Variants in CHGA observed in about 807,000 individuals in gnomAD.
CHGA encodes the protein chromogranin-A.
Under a neutral mutation model 54.4 loss-of-function variants are expected in CHGA, and 41 were observed. The ratio of observed to expected loss-of-function variants is 0.75; its 90% confidence interval spans 0.59 to 0.98. The LOEUF (loss-of-function observed/expected upper bound fraction) is 0.98. Among genes scored for constraint, CHGA ranks in the 50% least tolerant of loss-of-function variants. The pLI is 0.00. For synonymous variants in CHGA, 249 were observed against 232.8 expected (o/e 1.07, Z -0.63); for missense variants, 576 against 582.3 (o/e 0.99, Z 0.11).
chr14:92,934,939 C>A lies in CHGA; in HGVS notation c.*55C>A. ...CACCCTGTGGCCCTGGCTCTGCTGT[C>A]CCCTTGGCAGGTCCTGGCCAGATGG... On this transcript the variant is annotated 3_prime_UTR_variant, in exon 8 of 8. Coordinates refer to ENST00000216492, the MANE Select transcript of CHGA (RefSeq NM_001275.4). 6.9e-7 allele frequency: 1 copy of A among 1,453,906 alleles called. No homozygotes were observed. Among genetic ancestry groups the A allele is most frequent in the Admixed American group, 2.5e-5 (1 of 39,814 alleles). 90.1% of individuals were successfully genotyped at this position (1,453,906 alleles called of 1,614,324 possible). A position where few individuals can be genotyped will look rare whatever the true frequency, so the allele number is the denominator to read the frequency against.
At position 92,924,250 on chromosome 14, in the gene CHGA, G is replaced by GA. The variant is rs769189369; in HGVS notation, c.93+7dup. 1 of 1,611,642 alleles carries GA rather than the reference G, an allele frequency of 6.2e-7. No individual in the cohort carries two copies. On this transcript the variant is annotated splice_donor_region_variant and intron_variant, in intron 2 of 7. Transcript: ENST00000216492. ...ATGAATAAAGGGGATACCGAGGTAA[G>GA]AAGGGGTGCTGGGGATGAGGGGTAG...
rs778264226 is a variant in CHGA, at chr14:92,929,729, G to A, written c.269G>A (p.Arg90Lys). The A allele has an allele frequency of 1.2e-6, 2 of 1,613,966 alleles. No individual in the cohort carries two copies. The highest frequency in any genetic ancestry group is 1.7e-6 in the Non-Finnish European group (2 of 1,180,014). ...TTTCTCATACCAGGCGCCAAGGAGA[G>A]GGCACATCAGCAGAAGAAACACAGC... ...QDLALQGAKE[R>K]AHQQKKHSGF... Residue 90 changes from arginine (R) to lysine (K), a missense_variant, in exon 5 of 8, where the codon AGG becomes AAG. Arg to Lys is a conservative substitution (Grantham distance 26). Transcript: ENST00000216492.
chr14:92,923,590 C>A (rs575438250), intron 1 of CHGA, among the ~76,000 whole-genome samples, 185 bp downstream of exon 1: 1 of 152,320 alleles, frequency 6.6e-6, no homozygotes. Context: ...CTGGGACCCA[C>A]AAGACACTTG....
intron 4 of CHGA, among the ~76,000 whole-genome samples, chr14:92,928,211 T>C (rs1181905413): frequency 6.6e-6 from 1 of 152,228 alleles, no homozygotes; most frequent in Non-Finnish European, 1.5e-5. Flanking sequence ...ATCCAGCATC[T>C]GCTTCCCAAC....
intron 5 of CHGA, among the ~76,000 whole-genome samples, chr14:92,930,458 G>A (rs1424315487): frequency 6.6e-6 from 1 of 152,232 alleles, no homozygotes; most frequent in African/African-American, 2.4e-5. Flanking sequence ...GGGGCTGAAA[G>A]GGAAAGCCCG....
intron 4 of CHGA, among the ~76,000 whole-genome samples, chr14:92,928,332 G>C (rs1017301978): frequency 1.3e-5 from 2 of 152,316 alleles, no homozygotes; most frequent in African/African-American, 4.8e-5. Flanking sequence ...GACAGACCAG[G>C]CCATGTGTGA....
intron 7 of CHGA, among the ~76,000 whole-genome samples, chr14:92,934,523 C>T (rs906895384): frequency 2.0e-5 from 3 of 152,198 alleles, no homozygotes; most frequent in African/African-American, 7.2e-5. Context: ...AACAGACTCC[C>T]ACCTGTGCGG....
At chr14:92,926,815 C>T in intron 3 of CHGA, 117 bp downstream of exon 3, 1 of 849,558 alleles carries the variant, frequency 1.2e-6, no homozygotes, top group South Asian at 1.5e-5. Context: ...GACTGAGTGC[C>T]CGTCATGTCC....
rs749496889 is a variant in CHGA at position 92,931,253 on chromosome 14, C to T, written c.359C>T (p.Ala120Val). Reference sequence around the variant, plus strand: ...CTTGGCTGTGCTGTGTCTGCAGAGGCGGTGGAAGAGCCATCATCCAAGGAT... The same window carrying T: ...CTTGGCTGTGCTGTGTCTGCAGAGGTGGTGGAAGAGCCATCATCCAAGGAT... ...NQSSQAELKE[A>V]VEEPSSKDVM... Residue 120 changes from alanine to valine, a missense_variant, in exon 6 of 8, where the codon GCG becomes GTG. Coordinates refer to ENST00000216492, the MANE Select transcript of CHGA (RefSeq NM_001275.4). 36 of 1,607,434 alleles carry T rather than the reference C, an allele frequency of 2.2e-5. No individual in the cohort carries two copies. The highest frequency in any genetic ancestry group is 1.7e-4 in the Middle Eastern group (1 of 6,020).
rs1887098435 is a variant in CHGA, at chr14:92,935,144, T to C, written c.*260T>C. 1 of 475,006 alleles carries C rather than the reference T, an allele frequency of 2.1e-6. No individual in the cohort carries two copies. Among genetic ancestry groups the C allele is most frequent in the African/African-American group, 2.0e-5 (1 of 49,124 alleles). The allele number at this position is 475,006 out of a possible 1,614,324, so 29.4% of individuals were successfully genotyped here. ...CCTTCTCTGAACACAGGCAGCTTTCTAGAAGTTTCCCTTCCTCCATCCTAT... is the reference window on the plus strand; with the variant it reads ...CCTTCTCTGAACACAGGCAGCTTTCCAGAAGTTTCCCTTCCTCCATCCTAT... On this transcript the variant is annotated 3_prime_UTR_variant, in exon 8 of 8. Transcript: ENST00000216492.
Position 92,931,708 on chromosome 14 carries a change from T to C in CHGA, c.808+6T>C. 1 of 1,553,162 alleles carries C rather than the reference T, an allele frequency of 6.4e-7. No individual in the cohort carries two copies. Among genetic ancestry groups the C allele is most frequent in the South Asian group, 1.2e-5 (1 of 81,186 alleles). On this transcript the variant is annotated splice_donor_region_variant and intron_variant, in intron 6 of 7. Transcript: ENST00000216492. ...GGAGATCCGGAAAGGCGAGAGTACG[T>C]ATGATGGCGAAGACCTCAACGAACG...
Position 92,931,580 on chromosome 14 carries a change from A to G in CHGA, c.686A>G (p.Glu229Gly), listed in dbSNP as rs1886998374. The G allele has an allele frequency of 5.1e-6, 8 of 1,573,896 alleles. No homozygotes were observed. Among genetic ancestry groups the G allele is most frequent in the Non-Finnish European group, 6.9e-6 (8 of 1,156,214 alleles). Residue 229 changes from glutamate to glycine, a missense_variant, in exon 6 of 8, where the codon GAG becomes GGG. Coordinates refer to ENST00000216492, the MANE Select transcript of CHGA (RefSeq NM_001275.4). ...AEPGWQAKRE[E>G]EEEEEEEAEA... ...CCAGGGTGGCAGGCAAAGAGAGAAGAGGAGGAGGAGGAGGAGGAGGAGGCT... is the reference window on the plus strand; with the variant it reads ...CCAGGGTGGCAGGCAAAGAGAGAAGGGGAGGAGGAGGAGGAGGAGGAGGCT...
chr14:92,935,043 G>A lies in CHGA; in HGVS notation c.*159G>A, dbSNP rs1228491927. 5.2e-6 allele frequency: 3 copies of A among 576,552 alleles called. No homozygotes were observed. The highest frequency in any genetic ancestry group is 3.9e-5 in the African/African-American group (2 of 51,296). The allele number at this position is 576,552 out of a possible 1,614,324, so 35.7% of individuals were successfully genotyped here. A position where few individuals can be genotyped will look rare whatever the true frequency, so the allele number is the denominator to read the frequency against. On this transcript the variant is annotated 3_prime_UTR_variant, in exon 8 of 8. Coordinates refer to ENST00000216492, the MANE Select transcript of CHGA (RefSeq NM_001275.4). ...CACCCTATCGCCCCCTACGCGCCTT[G>A]TCTCCTACTCCTGACTCCTACCTGC...
chr14:92,924,115 A>G, intron 1 of CHGA, 84 bp from the exon 2 acceptor site: 1 of 1,469,922 alleles, frequency 6.8e-7, no homozygotes, highest in Non-Finnish European at 9.3e-7. Context: ...CATTGGGTGA[A>G]CGGGCCCCAG....
At position 92,932,674 on chromosome 14, in the gene CHGA, C is replaced by T; in HGVS notation, c.1113C>T (p.Ser371=). ...QEEEEDNRDS[S]MKLSFRARAY... ...AGGAGGAGGACAACCGGGACAGTTCCATGAAGCTCTCCTTCCGGGCCCGGG... is the reference window on the plus strand; with the variant it reads ...AGGAGGAGGACAACCGGGACAGTTCTATGAAGCTCTCCTTCCGGGCCCGGG... The change falls in exon 7 of 8, where the codon TCC becomes TCT. Residue 371 remains serine, a synonymous_variant. Coordinates refer to ENST00000216492, the MANE Select transcript of CHGA (RefSeq NM_001275.4). This position sits in a 1 kb window ranked among gnomAD's most constrained non-coding sequence, Gnocchi z 5.3. 6.2e-7 allele frequency: 1 copy of T among 1,608,760 alleles called. No individual in the cohort carries two copies. Among genetic ancestry groups the T allele is most frequent in the South Asian group, 1.1e-5 (1 of 89,964 alleles).
At chr14:92,926,375 T>G in intron 2 of CHGA, 1 of 543,186 alleles carries the variant, frequency 1.8e-6, no homozygotes. Flanking sequence ...CTGCTGGCCA[T>G]GTGGTTGGAG....
Position 92,932,669 on chromosome 14 carries a change from A to C in CHGA, c.1108A>C (p.Ser370Arg), listed in dbSNP as rs1259872718. 1 of 1,607,814 alleles carries C rather than the reference A, an allele frequency of 6.2e-7. No homozygotes were observed. Among genetic ancestry groups the C allele is most frequent in the African/African-American group, 1.3e-5 (1 of 74,990 alleles). ...GGAGGAGGAGGAGGACAACCGGGAC[A>C]GTTCCATGAAGCTCTCCTTCCGGGC... Reference protein sequence around the residue: ...GQEEEEDNRDSSMKLSFRARA... With the variant: ...GQEEEEDNRDRSMKLSFRARA... The change falls in exon 7 of 8, where the codon AGT becomes CGT. Residue 370 changes from serine (S) to arginine (R), a missense_variant. Transcript: ENST00000216492. The surrounding 1 kb of genome is among the most constrained non-coding windows in gnomAD (Gnocchi z 5.3).
chr14:92,928,315 C>T (rs1463524754), intron 4 of CHGA, among the ~76,000 whole-genome samples: 1 of 152,320 alleles, frequency 6.6e-6, no homozygotes, highest in African/African-American at 2.4e-5. Flanking sequence ...CACTCTGAGG[C>T]CTTTGGGACA....
chr14:92,932,096 G>C lies in CHGA; in HGVS notation c.809-274G>C. The C allele has an allele frequency of 2.2e-6, 1 of 461,820 alleles. No individual in the cohort carries two copies. The highest frequency in any genetic ancestry group is 3.1e-5 in the South Asian group (1 of 32,620). The allele number at this position is 461,820 out of a possible 1,614,324, so 28.6% of individuals were successfully genotyped here. A position where few individuals can be genotyped will look rare whatever the true frequency, so the allele number is the denominator to read the frequency against. On this transcript the variant is annotated intron_variant, in intron 6 of 7. Transcript: ENST00000216492. The surrounding 1 kb of genome is among the most constrained non-coding windows in gnomAD (Gnocchi z 5.3). ...CAACTACGGTTTAGGAGAGGCCCTG[G>C]CTCCCGCTGCGGGCCTGTCAGGGTC...
Sources: gnomAD v4.1 joint callset for allele counts (sites outside exome capture counted in the v4.1 genomes callset) on GRCh38, gnomAD v4.1.1 for gene constraint, Gnocchi (gnomAD v3.1) non-coding constraint, MANE v1.5 for transcripts, NCBI Gene and HGNC (gene_info 2026-07-23, HGNC 2026-07-21) for gene names.